Variants in PREX1 observed in about 807,000 individuals in gnomAD.
PREX1 encodes phosphatidylinositol 3,4,5-trisphosphate-dependent Rac exchanger 1 protein.
Under a neutral mutation model 198.3 loss-of-function variants are expected in PREX1, and 41 were observed. That is an observed-to-expected ratio of 0.21 (90% CI 0.16 to 0.27). The LOEUF (loss-of-function observed/expected upper bound fraction) is 0.27. Among genes scored for constraint, PREX1 ranks in the 10% least tolerant of loss-of-function variants. PREX1 has a pLI of 1.00. For synonymous variants in PREX1, 843 were observed against 887.2 expected (o/e 0.95, Z 0.89); for missense variants, 1,620 against 2,200.7 (o/e 0.74, Z 5.28).
At chr20:48,759,920 G>A (rs367818651) in intron 1 of PREX1, among the ~76,000 whole-genome samples, 31 of 152,026 alleles carry the variant, frequency 2.0e-4, no homozygotes, top group African/African-American at 7.2e-4. Context: ...CAATCAATAC[G>A]GCAAAACCTC....
At chr20:48,661,539 G>A (rs1278973554) in intron 15 of PREX1, among the ~76,000 whole-genome samples, 1 of 122,478 alleles carries the variant, frequency 8.2e-6, no homozygotes, top group African/African-American at 3.2e-5. Context: ...GTGTGTGTGT[G>A]TGTGTATATA....
chr20:48,726,315 A>C lies in PREX1; in HGVS notation c.596T>G (p.Ile199Ser). ...EGYLLSPIQRICKYPLLLKEL... is the reference protein window; with the variant it reads ...EGYLLSPIQRSCKYPLLLKEL... ...CTTAAGGAGGAGCGGGTACTTGCAGATCCTCTGGATCGGAGACAACAGGTA... is the reference window on the plus strand; with the variant it reads ...CTTAAGGAGGAGCGGGTACTTGCAGCTCCTCTGGATCGGAGACAACAGGTA... The change falls in exon 5 of 40, where the codon ATC (isoleucine) becomes AGC (serine). Residue 199 changes from isoleucine to serine, a missense_variant. Around this residue, in one of 7 missense-constraint regions of PREX1, gnomAD observed 488 missense variants for 802.5 expected, o/e 0.61. Coordinates refer to ENST00000371941, the MANE Select transcript of PREX1 (RefSeq NM_020820.4). 1.2e-6 allele frequency: 2 copies of C among 1,613,890 alleles called. No individual in the cohort carries two copies. The highest frequency in any genetic ancestry group is 1.7e-6 in the Non-Finnish European group (2 of 1,179,940).
intron 1 of PREX1, among the ~76,000 whole-genome samples, chr20:48,778,442 A>T (rs2090273459): frequency 6.6e-6 from 1 of 151,634 alleles, no homozygotes; most frequent in African/African-American, 2.4e-5. Context: ...AAAAAAAAAA[A>T]ATTAGCCAGG....
chr20:48,796,017 A>G (rs999898944), intron 1 of PREX1, among the ~76,000 whole-genome samples: 1 of 152,250 alleles, frequency 6.6e-6, no homozygotes, highest in Non-Finnish European at 1.5e-5. Context: ...ACACCAGCCT[A>G]TTAACAAGAG....
At chr20:48,783,108 T>C (rs1335311442) in intron 1 of PREX1, among the ~76,000 whole-genome samples, 1 of 152,154 alleles carries the variant, frequency 6.6e-6, no homozygotes, top group East Asian at 1.9e-4. Flanking sequence ...AACTTCAACA[T>C]CCTCATTTGT....
intron 5 of PREX1, among the ~76,000 whole-genome samples, chr20:48,713,758 A>AAAAAAAAAAAAAAG: frequency 6.7e-6 from 1 of 150,332 alleles, no homozygotes; most frequent in South Asian, 2.1e-4. Flanking sequence ...AAAAAAAAAA[A>AAAAAAAAAAAAAAG]AGAGAGAGAG....
At chr20:48,712,730 C>T (rs1044695184) in intron 5 of PREX1, among the ~76,000 whole-genome samples, 20 of 152,204 alleles carry the variant, frequency 1.3e-4, no homozygotes, top group Admixed American at 1.2e-3. Context: ...TCTTGGTTCA[C>T]GGGGCATGTT....
At chr20:48,703,816 G>A (rs1404934105) in intron 6 of PREX1, among the ~76,000 whole-genome samples, 1 of 152,102 alleles carries the variant, frequency 6.6e-6, no homozygotes, top group Non-Finnish European at 1.5e-5. Flanking sequence ...CACTACAGGG[G>A]GATACCCCCT....
the PREX1 span, among the ~76,000 whole-genome samples, chr20:48,848,290 T>C: frequency 6.6e-6 from 1 of 151,854 alleles, no homozygotes; most frequent in Admixed American, 6.6e-5. Flanking sequence ...GCTCTCGTTC[T>C]GTTATCCAGT....
chr20:48,742,194 G>A (rs1407014687), intron 3 of PREX1, among the ~76,000 whole-genome samples: 2 of 152,172 alleles, frequency 1.3e-5, no homozygotes, highest in African/African-American at 2.4e-5. Context: ...GCCTGGAATG[G>A]GGCTCAGTGA....
chr20:48,754,860 T>C (rs180811669), intron 1 of PREX1, among the ~76,000 whole-genome samples: 116 of 152,108 alleles, frequency 7.6e-4, no homozygotes, highest in African/African-American at 2.4e-3. Context: ...AAAATCGCTA[T>C]AACAGCAGAA....
intron 5 of PREX1, among the ~76,000 whole-genome samples, chr20:48,714,081 G>T (rs2089950455): frequency 6.6e-6 from 1 of 152,044 alleles, no homozygotes; most frequent in Non-Finnish European, 1.5e-5. Context: ...ACACAAAAAT[G>T]GACTCAAAAT....
chr20:48,821,030 T>C (rs2090482039), intron 1 of PREX1, among the ~76,000 whole-genome samples: 1 of 151,984 alleles, frequency 6.6e-6, no homozygotes, highest in Non-Finnish European at 1.5e-5. Flanking sequence ...TGAAACCCTG[T>C]CTCTACTAAA....
At chr20:48,703,514 C>A (rs755564728) in intron 6 of PREX1, among the ~76,000 whole-genome samples, 1 of 152,208 alleles carries the variant, frequency 6.6e-6, no homozygotes, top group Non-Finnish European at 1.5e-5. Flanking sequence ...ATGGCCCATG[C>A]GCAGCACACG....
chr20:48,882,471 A>C, the PREX1 span, among the ~76,000 whole-genome samples: 27 of 131,986 alleles, frequency 2.0e-4, no homozygotes, highest in South Asian at 5.0e-4. Flanking sequence ...CACTGCACTC[A>C]AGCCTGGGCA....
intron 1 of PREX1, chr20:48,821,820 C>T (rs1798184425): frequency 6.6e-6 from 1 of 152,188 alleles, no homozygotes; most frequent in African/African-American, 2.4e-5. Flanking sequence ...AGACACCAAC[C>T]CCATTCGCGT....
chr20:48,639,327 CAG>C (rs2089390514), intron 30 of PREX1, among the ~76,000 whole-genome samples: 1 of 152,230 alleles, frequency 6.6e-6, no homozygotes, highest in South Asian at 2.1e-4. Flanking sequence ...AAGCTGGAAG[CAG>C]AGTCACAGTT....
chr20:48,687,034 C>T (rs925685494), intron 10 of PREX1, among the ~76,000 whole-genome samples: 1 of 152,220 alleles, frequency 6.6e-6, no homozygotes, highest in South Asian at 2.1e-4. Context: ...TCGCCAGCAG[C>T]TCCACTCAGA....
chr20:48,826,557 A>G (rs1013624013), intron 1 of PREX1, among the ~76,000 whole-genome samples: 1 of 152,208 alleles, frequency 6.6e-6, no homozygotes, highest in Non-Finnish European at 1.5e-5. Flanking sequence ...AACTTTCCCA[A>G]TCTTAAAAAC....
Sources: allele counts gnomAD v4.1 joint callset (sites outside exome capture counted in the v4.1 genomes callset), GRCh38; gene constraint gnomAD v4.1.1; regional missense constraint gnomAD v4.1.1; transcripts MANE v1.5; gene names NCBI Gene and HGNC (gene_info 2026-07-23, HGNC 2026-07-21).